Variants in MAPK10 observed in about 807,000 individuals in gnomAD.
MAPK10 encodes the protein mitogen-activated protein kinase 10, also known as JNK3 alpha protein kinase.
In MAPK10, 25 loss-of-function variants were observed where a neutral mutation model predicts 59.3. That is an observed-to-expected ratio of 0.42 (90% CI 0.31 to 0.59). The LOEUF (loss-of-function observed/expected upper bound fraction) is 0.59, where lower values mean the gene tolerates loss of function less well. MAPK10 is among the 20% of genes least tolerant of loss of function. The pLI is 0.15. For synonymous variants in MAPK10, 190 were observed against 200.5 expected, an observed-to-expected ratio of 0.95 and a Z score of 0.44; for missense variants, 351 against 568.9, an observed-to-expected ratio of 0.62 and a Z score of 3.90.
chr4:86,260,778 T>C (rs990412737), intron 2 of MAPK10, among the ~76,000 whole-genome samples: 2 of 152,144 alleles, frequency 1.3e-5, no homozygotes, highest in African/African-American at 2.4e-5. Flanking sequence ...AGAAATATTT[T>C]ATCCAAAATT....
At chr4:86,453,641 C>A (rs1472707175), upstream of MAPK10, among the ~76,000 whole-genome samples, 2 of 139,908 alleles carry the variant, frequency 1.4e-5, no homozygotes, top group East Asian at 4.4e-4. Context: ...CTCAGACATG[C>A]CTAGCCCTGC....
At chr4:86,215,972 C>T (rs2087425009) in intron 2 of MAPK10, among the ~76,000 whole-genome samples, 1 of 151,874 alleles carries the variant, frequency 6.6e-6, no homozygotes, top group African/African-American at 2.4e-5. Flanking sequence ...AAATAACAAG[C>T]GTTGTTGAGA....
intron 2 of MAPK10, among the ~76,000 whole-genome samples, chr4:86,232,936 G>A (rs2091789458): frequency 6.6e-6 from 1 of 152,168 alleles, no homozygotes; most frequent in African/African-American, 2.4e-5. Flanking sequence ...GTCTGTGCTG[G>A]AGTGAAGACT....
intron 2 of MAPK10, among the ~76,000 whole-genome samples, chr4:86,246,897 C>T (rs2148702952): frequency 6.6e-6 from 1 of 152,308 alleles, no homozygotes; most frequent in South Asian, 2.1e-4. Context: ...ATCATCCCAA[C>T]CAACCTACCA....
At chr4:86,517,269 CTTTTTTTTTT>C (rs1176457005) in intron 1 of MAPK10, among the ~76,000 whole-genome samples, 9 of 84,266 alleles carry the variant, frequency 1.1e-4, no homozygotes, top group South Asian at 4.0e-4. Context: ...GGTGTATTAT[CTTTTTTTTTT>C]TTTTTTTTTT....
At chr4:86,158,902 C>G (rs919860896) in intron 4 of MAPK10, 1 of 155,014 alleles carries the variant, frequency 6.5e-6, no homozygotes, top group Admixed American at 6.5e-5. Flanking sequence ...TTTGAAATAG[C>G]TTTTATTCCA....
chr4:86,302,372 A>G (rs1282411271), intron 2 of MAPK10, among the ~76,000 whole-genome samples: 2 of 152,234 alleles, frequency 1.3e-5, no homozygotes, highest in Admixed American at 6.5e-5. Flanking sequence ...TAGACTAGTC[A>G]TTAGTATTCA....
intron 1 of MAPK10, among the ~76,000 whole-genome samples, chr4:86,418,633 C>T (rs184106019): frequency 4.6e-5 from 7 of 152,238 alleles, no homozygotes; most frequent in Non-Finnish European, 1.0e-4. Context: ...AAAACTGTAA[C>T]GACAGAATAT....
chr4:86,553,794 T>G (rs1368675303), intron 1 of MAPK10, among the ~76,000 whole-genome samples: 2 of 152,194 alleles, frequency 1.3e-5, no homozygotes, highest in Non-Finnish European at 2.9e-5. Flanking sequence ...AACATGACCT[T>G]GTTTTCCAGG....
intron 1 of MAPK10, among the ~76,000 whole-genome samples, chr4:86,591,336 T>C (rs1488021456): frequency 1.3e-5 from 2 of 152,150 alleles, no homozygotes; most frequent in African/African-American, 4.8e-5. Context: ...TGATAATACA[T>C]GAGAAAGCTC....
At chr4:86,539,242 A>G (rs1758486987) in intron 1 of MAPK10, among the ~76,000 whole-genome samples, 1 of 152,220 alleles carries the variant, frequency 6.6e-6, no homozygotes, top group African/African-American at 2.4e-5. Flanking sequence ...GAGGGCATCC[A>G]GAAAAAAAAG....
chr4:86,174,422 G>C (rs1211805406), intron 3 of MAPK10, among the ~76,000 whole-genome samples: 1 of 152,054 alleles, frequency 6.6e-6, no homozygotes, highest in Non-Finnish European at 1.5e-5. Flanking sequence ...AAAAATGAGA[G>C]CACATGGACG....
intron 1 of MAPK10, among the ~76,000 whole-genome samples, chr4:86,481,984 C>A (rs17418531): frequency 0.22 from 34,087 of 151,930 alleles, 4,765 homozygotes; most frequent in Admixed American, 0.31. Context: ...AAAGAATAAC[C>A]GTAATACAAG....
chr4:86,426,939 C>T (rs1019989291), intron 1 of MAPK10, among the ~76,000 whole-genome samples: 3 of 151,822 alleles, frequency 2.0e-5, no homozygotes, highest in Non-Finnish European at 2.9e-5. Context: ...ATCTTTTCGA[C>T]TCTATCACTT....
intron 3 of MAPK10, among the ~76,000 whole-genome samples, chr4:86,185,704 G>C (rs1480531722): frequency 6.6e-6 from 1 of 152,156 alleles, no homozygotes; most frequent in Non-Finnish European, 1.5e-5. Flanking sequence ...GAATCAGTGA[G>C]ATTCCAGTTA....
At chr4:86,100,450 C>T (rs2055136099) in intron 8 of MAPK10, 1 of 151,942 alleles carries the variant, frequency 6.6e-6, no homozygotes, top group Non-Finnish European at 1.5e-5. Context: ...TGACATTTTC[C>T]TTTTTTACGA....
At chr4:86,177,569 A>G (rs1219060950) in intron 3 of MAPK10, among the ~76,000 whole-genome samples, 1 of 152,138 alleles carries the variant, frequency 6.6e-6, no homozygotes, top group Non-Finnish European at 1.5e-5. Context: ...TTAAAAACCC[A>G]TATAATTCTG....
At chr4:86,352,504 T>A (rs1448574144) in intron 2 of MAPK10, among the ~76,000 whole-genome samples, 3 of 152,220 alleles carry the variant, frequency 2.0e-5, no homozygotes, top group East Asian at 1.9e-4. Flanking sequence ...GAACTAAGAT[T>A]CATAGCCTAG....
intron 3 of MAPK10, among the ~76,000 whole-genome samples, chr4:86,179,572 G>A (rs1292887573): frequency 6.6e-6 from 1 of 152,042 alleles, no homozygotes; most frequent in African/African-American, 2.4e-5. Flanking sequence ...CAAAGCTAAA[G>A]ATATTACGCC....
Sources: gnomAD v4.1 joint callset for allele counts (sites outside exome capture counted in the v4.1 genomes callset) on GRCh38, gnomAD v4.1.1 for gene constraint, MANE v1.5 for transcripts, NCBI Gene and HGNC (gene_info 2026-07-23, HGNC 2026-07-21) for gene names.